Variants in KIF16B observed in about 807,000 individuals in gnomAD.
KIF16B encodes kinesin family member 16B.
Under a neutral mutation model 156.3 loss-of-function variants are expected in KIF16B, and 98 were observed. The ratio of observed to expected loss-of-function variants is 0.63; its 90% CI spans 0.53 to 0.74. The LOEUF is 0.74. KIF16B is among the 30% of genes least tolerant of loss of function. The probability of loss-of-function intolerance (pLI) is 0.00; values close to 1 mark genes in which losing one functional copy is unlikely to be tolerated. For synonymous variants in KIF16B, 564 were observed against 583.7 expected, an observed-to-expected ratio of 0.97 and a Z score of 0.49; for missense variants, 1,421 against 1,606.5, an observed-to-expected ratio of 0.88 and a Z score of 1.97.
At chr20:16,373,354 C>T (rs1461119698) in intron 20 of KIF16B, among the ~76,000 whole-genome samples, 1 of 152,130 alleles carries the variant, frequency 6.6e-6, no homozygotes, top group Non-Finnish European at 1.5e-5. Flanking sequence ...TATATATCTC[C>T]TAATATCTAG....
At chr20:16,531,346 A>G (rs7352372) in intron 1 of KIF16B, among the ~76,000 whole-genome samples, 29,907 of 152,202 alleles carry the variant, frequency 0.2, 3,146 homozygotes, top group Admixed American at 0.23. Context: ...TGTGAAAGAA[A>G]GTTTCTCCTT....
At chr20:16,375,188 T>G (rs931286257) in intron 19 of KIF16B, among the ~76,000 whole-genome samples, 1 of 152,230 alleles carries the variant, frequency 6.6e-6, no homozygotes, top group Non-Finnish European at 1.5e-5. Flanking sequence ...AGGGCCAACC[T>G]TGCCAGTGAA....
chr20:16,293,949 A>T (rs895748266), intron 25 of KIF16B, among the ~76,000 whole-genome samples: 8 of 152,094 alleles, frequency 5.3e-5, no homozygotes, highest in African/African-American at 1.9e-4. Flanking sequence ...GGGAGCCATC[A>T]TCCATAGTGG....
Position 16,292,145 on chromosome 20 carries a change from T to TAA in KIF16B, c.3796-18736_3796-18735dup, listed in dbSNP as rs35005749. Among the ~76,000 whole-genome samples, 453 of 152,132 alleles carry TAA rather than the reference T, an allele frequency of 3.0e-3. 1 individual carries two copies. The highest frequency in any genetic ancestry group is 0.01 in the African/African-American group (429 of 41,482). The stretch of plus-strand genomic sequence containing the variant: ...GATTAGGCAAAGTCTTACCTTTTTT[T>TAA]AAAAAAATGTTTTTGGTTGCCTGGA... On this transcript the variant is annotated intron_variant, in intron 25 of 25. Coordinates refer to ENST00000354981, the MANE Select transcript of KIF16B (RefSeq NM_024704.5).
chr20:16,342,063 T>C (rs572094465), intron 23 of KIF16B, among the ~76,000 whole-genome samples: 38 of 152,258 alleles, frequency 2.5e-4, no homozygotes, highest in African/African-American at 8.9e-4. Context: ...GTCCAAACCA[T>C]GATTTTTCCT....
intron 12 of KIF16B, among the ~76,000 whole-genome samples, chr20:16,466,868 A>G (rs1438811864): frequency 6.6e-6 from 1 of 152,186 alleles, no homozygotes; most frequent in Non-Finnish European, 1.5e-5. Flanking sequence ...TCTGAGAGCT[A>G]AAAACTCCAG....
At chr20:16,387,808 T>C (rs1331117295) in intron 17 of KIF16B, among the ~76,000 whole-genome samples, 2 of 152,126 alleles carry the variant, frequency 1.3e-5, no homozygotes, top group Admixed American at 6.5e-5. Flanking sequence ...TCTAAGAGTC[T>C]CTGGATTGGT....
chr20:16,507,860 T>A, intron 7 of KIF16B, 98 bp downstream of exon 7: 1 of 1,299,372 alleles, frequency 7.7e-7, no homozygotes, highest in Non-Finnish European at 1.1e-6. Flanking sequence ...CTTTACCTGC[T>A]GCTGCTCCTG....
chr20:16,281,160 T>C (rs568303905), intron 25 of KIF16B, among the ~76,000 whole-genome samples: 178 of 152,328 alleles, frequency 1.2e-3, no homozygotes, highest in Non-Finnish European at 1.8e-3. Context: ...AAATCTATAA[T>C]TTAATTTAAA....
chr20:16,342,867 C>T (rs1431966811), intron 23 of KIF16B, among the ~76,000 whole-genome samples: 1 of 152,126 alleles, frequency 6.6e-6, no homozygotes, highest in Non-Finnish European at 1.5e-5. Flanking sequence ...ACAGAAAAAG[C>T]GTTAAATCCT....
intron 20 of KIF16B, among the ~76,000 whole-genome samples, chr20:16,373,885 G>A (rs1215593448): frequency 6.6e-6 from 1 of 152,200 alleles, no homozygotes; most frequent in Non-Finnish European, 1.5e-5. Flanking sequence ...TACAAAGATT[G>A]AAAATACATG....
intron 1 of KIF16B, among the ~76,000 whole-genome samples, chr20:16,559,575 C>G (rs1268349397): frequency 6.6e-6 from 1 of 151,752 alleles, no homozygotes; most frequent in East Asian, 1.9e-4. Flanking sequence ...TCAAGACCAG[C>G]CTGGGCAACA....
At chr20:16,558,897 C>CAAAA (rs11478258) in intron 1 of KIF16B, among the ~76,000 whole-genome samples, 11 of 62,074 alleles carry the variant, frequency 1.8e-4, no homozygotes, top group South Asian at 7.3e-4. Context: ...GAGCAAGACT[C>CAAAA]AAAAAAAAAA....
rs563324086 is a variant in KIF16B, at chr20:16,508,005, C to T, written c.652G>A (p.Asp218Asn). 1.9e-5 allele frequency: 30 copies of T among 1,614,174 alleles called. No homozygotes were observed. The South Asian group carries it at 2.6e-4, about 14-fold the overall frequency. Residue 218 changes from aspartate to asparagine, a missense_variant, in exon 7 of 26, where the codon GAC becomes AAC. Asp to Asn is a conservative substitution (Grantham distance 23). Transcript: ENST00000354981. ...NRTTAATGMN[D>N]VSSRSHAIFT... ...ATGGCATGAGACCTGCTACTGACGT[C>T]GTTCATCCCAGTCGCTGCGGTGGTC...
chr20:16,569,025 T>G (rs1467340256), intron 1 of KIF16B, among the ~76,000 whole-genome samples: 2 of 151,998 alleles, frequency 1.3e-5, no homozygotes, highest in Non-Finnish European at 2.9e-5. Context: ...GAGGTCCTTG[T>G]GAATGGGATT....
intron 1 of KIF16B, among the ~76,000 whole-genome samples, chr20:16,548,622 C>T (rs1478615696): frequency 6.6e-6 from 1 of 152,216 alleles, no homozygotes; most frequent in East Asian, 1.9e-4. Context: ...TGCCTAACTC[C>T]TGACAGCCTG....
At chr20:16,515,047 A>C (rs1489013251) in intron 4 of KIF16B, among the ~76,000 whole-genome samples, 3 of 151,980 alleles carry the variant, frequency 2.0e-5, no homozygotes, top group Non-Finnish European at 2.9e-5. Context: ...TAGCTTATAA[A>C]ACTGCATACG....
intron 25 of KIF16B, among the ~76,000 whole-genome samples, chr20:16,289,657 C>T (rs1032151554): frequency 6.6e-6 from 1 of 151,810 alleles, no homozygotes; most frequent in Non-Finnish European, 1.5e-5. Context: ...ATCAAGACCA[C>T]GGTGAAACCC....
At chr20:16,487,272 C>T (rs545944492) in intron 12 of KIF16B, among the ~76,000 whole-genome samples, 1 of 151,888 alleles carries the variant, frequency 6.6e-6, no homozygotes, top group East Asian at 1.9e-4. Context: ...AGATTAACTG[C>T]ATTTAAACGA....
Sources: gnomAD v4.1 joint callset for allele counts (sites outside exome capture counted in the v4.1 genomes callset) on GRCh38, gnomAD v4.1.1 for gene constraint, MANE v1.5 for transcripts, NCBI Gene and HGNC (gene_info 2026-07-23, HGNC 2026-07-21) for gene names.